RRAD: variants seen among roughly 807,000 people sequenced by gnomAD.
RRAD encodes the protein RRAD, Ras related glycolysis inhibitor and calcium channel regulator, also known as GTP-binding protein RAD.
In RRAD, 15 loss-of-function variants were observed where a neutral mutation model predicts 24.7. The observed-to-expected ratio is 0.61, with a 90% CI of 0.41 to 0.93. RRAD has a LOEUF of 0.93. Among genes scored for constraint, RRAD ranks in the 40% least tolerant of loss-of-function variants. The pLI is 0.00. For missense variants in RRAD, 438 were observed against 452.2 expected (o/e 0.97, Z 0.29); for synonymous variants, 180 against 189.8 (o/e 0.95, Z 0.43).
chr16:66,923,678 C>T lies in RRAD; in HGVS notation c.487G>A (p.Asp163Asn). The change falls in exon 4 of 5, where the codon GAT (aspartate) becomes AAT (asparagine). Residue 163 changes from aspartate (D) to asparagine (N), a missense_variant. Physicochemically the swap from Asp to Asn is conservative, Grantham distance 23 (BLOSUM62 1). Coordinates refer to ENST00000299759, the MANE Select transcript of RRAD (RefSeq NM_004165.3). This position sits in a 1 kb window ranked among gnomAD's most constrained non-coding sequence, Gnocchi z 4.9. ...WLPGHCMAMG[D>N]AYVIVYSVTD... Reference sequence around the variant, plus strand: ...ACTGAGTACACAATGACATAGGCATCCCCCATGGCCATGCAGTGGCCGGGC... The same window carrying T: ...ACTGAGTACACAATGACATAGGCATTCCCCATGGCCATGCAGTGGCCGGGC... The T allele has an allele frequency of 1.2e-6, 2 of 1,614,102 alleles. No individual in the cohort carries two copies. The highest frequency in any genetic ancestry group is 8.5e-7 in the Non-Finnish European group (1 of 1,180,026).
At chr16:66,922,813 G>C (rs995588909) in intron 4 of RRAD, among the ~76,000 whole-genome samples, 12 of 152,140 alleles carry the variant, frequency 7.9e-5, no homozygotes, top group African/African-American at 2.9e-4. Context: ...CTCCCGAGTA[G>C]CTGGGACTAC....
chr16:66,923,597 C>T lies in RRAD; in HGVS notation c.568G>A (p.Ala190Thr). Residue 190 changes from alanine to threonine, a missense_variant, in exon 4 of 5, where the codon GCA becomes ACA. Ala to Thr is a moderately conservative substitution (Grantham distance 58, BLOSUM62 0). Coordinates refer to ENST00000299759, the MANE Select transcript of RRAD (RefSeq NM_004165.3). The surrounding 1 kb of genome is among the most constrained non-coding windows in gnomAD (Gnocchi z 4.9). The stretch of plus-strand genomic sequence containing the variant: ...ATGGGCACATCATCTGTTTGCCGTG[C>T]ACGCCGCAGCTGGACCCGCAGTTCT... ...ASELRVQLRRARQTDDVPIIL... is the reference protein window; with the variant it reads ...ASELRVQLRRTRQTDDVPIIL... 1 of 1,613,630 alleles carries T rather than the reference C, an allele frequency of 6.2e-7. No homozygotes were observed. Among genetic ancestry groups the T allele is most frequent in the East Asian group, 2.2e-5 (1 of 44,866 alleles).
Position 66,924,051 on chromosome 16 carries a change from GTA to G in RRAD, c.371-134_371-133del. 1.3e-6 allele frequency: 1 copy of G among 757,936 alleles called. No individual in the cohort carries two copies. Among genetic ancestry groups the G allele is most frequent in the Non-Finnish European group, 2.4e-6 (1 of 424,250 alleles). 47.0% of individuals were successfully genotyped at this position (757,936 alleles called of 1,614,324 possible). ...CCCTCCACTCCACTTGCAGATGCTG[GTA>G]TGTGGCAACAGCAGTGCCAGGCAGG... On this transcript the variant is annotated intron_variant, in intron 2 of 4. Coordinates refer to ENST00000299759, the MANE Select transcript of RRAD (RefSeq NM_004165.3). The surrounding 1 kb of genome is among the most constrained non-coding windows in gnomAD (Gnocchi z 4.2).
intron 4 of RRAD, 102 bp from the exon 5 acceptor site, chr16:66,922,455 G>T: frequency 8.1e-7 from 1 of 1,240,910 alleles, no homozygotes; most frequent in South Asian, 1.5e-5. Context: ...TCGAGAATTT[G>T]CAAGGTCCTC....
Position 66,925,205 on chromosome 16 carries a change from A to C in RRAD, c.-15-11T>G, listed in dbSNP as rs558722306. On this transcript the variant is annotated splice_polypyrimidine_tract_variant and intron_variant, in intron 1 of 4. Coordinates refer to ENST00000299759, the MANE Select transcript of RRAD (RefSeq NM_004165.3). This position sits in a 1 kb window ranked among gnomAD's most constrained non-coding sequence, Gnocchi z 5.2. ...CGCGTCCGGGACCGTCTAGGGGATC[A>C]GGAACCCGAGTGGCCGTGTAAGCCG... 244 of 1,244,072 alleles carry C rather than the reference A, an allele frequency of 2.0e-4. 1 individual carries two copies. The Middle Eastern group carries it at 2.5e-3, about 13-fold the overall frequency. The allele number at this position is 1,244,072 out of a possible 1,614,324, so 77.1% of individuals were successfully genotyped here.
rs900375736 is a variant in RRAD, at chr16:66,921,818, C to A, written c.*258G>T. 13 of 432,948 alleles carry A rather than the reference C, an allele frequency of 3.0e-5. No individual in the cohort carries two copies. Among genetic ancestry groups the A allele is most frequent in the Admixed American group, 2.1e-4 (5 of 24,130 alleles). 26.8% of individuals were successfully genotyped at this position (432,948 alleles called of 1,614,324 possible). On this transcript the variant is annotated 3_prime_UTR_variant, in exon 5 of 5. Transcript: ENST00000299759. Reference sequence around the variant, plus strand: ...TCCTCTCCCGGCACGCAGGCCTGCCCGGCGGCTGCGCTGCGGCTGCTTGGG... The same window carrying A: ...TCCTCTCCCGGCACGCAGGCCTGCCAGGCGGCTGCGCTGCGGCTGCTTGGG...
At position 66,921,883 on chromosome 16, in the gene RRAD, C is replaced by G. The variant is rs1222939023; in HGVS notation, c.*193G>C. 10 of 582,602 alleles carry G rather than the reference C, an allele frequency of 1.7e-5. No individual in the cohort carries two copies. The highest frequency in any genetic ancestry group is 3.0e-5 in the Non-Finnish European group (10 of 330,944). The allele number at this position is 582,602 out of a possible 1,614,324, so 36.1% of individuals were successfully genotyped here. On this transcript the variant is annotated 3_prime_UTR_variant, in exon 5 of 5. Transcript: ENST00000299759. ...GCGCATGCATCTCTGTGGGCCCAGC[C>G]CTCACTGGCCCCTGAGAGCCACTTC...
Position 66,923,533 on chromosome 16 carries a change from C to G in RRAD, c.632G>C (p.Arg211Pro), listed in dbSNP as rs757766906. 1.2e-6 allele frequency: 2 copies of G among 1,608,548 alleles called. No homozygotes were observed. Among genetic ancestry groups the G allele is most frequent in the South Asian group, 1.1e-5 (1 of 91,058 alleles). Residue 211 changes from arginine to proline, a missense_variant, in exon 4 of 5, where the codon CGT (arginine) becomes CCT (proline). Physicochemically the swap from Arg to Pro is moderately radical, Grantham distance 103 (BLOSUM62 -2). Transcript: ENST00000299759. The surrounding 1 kb of genome is among the most constrained non-coding windows in gnomAD (Gnocchi z 4.9). ...CTACTCACCATCCACCGAGACCTCA[C>G]GAGAGCGCACCAGGTCGCTCTTGTT... ...VGNKSDLVRS[R>P]EVSVDEGRAC...
In RRAD at chr16:66,924,816, C is replaced by T. The variant is rs201762908; in HGVS notation, c.364G>A (p.Ala122Thr). 3.2e-6 allele frequency: 5 copies of T among 1,563,280 alleles called. No homozygotes were observed. Among genetic ancestry groups the T allele is most frequent in the African/African-American group, 1.4e-5 (1 of 73,882 alleles). Residue 122 changes from alanine (A) to threonine (T), a missense_variant, in exon 2 of 5, where the codon GCA becomes ACA. Coordinates refer to ENST00000299759, the MANE Select transcript of RRAD (RefSeq NM_004165.3). This position sits in a 1 kb window ranked among gnomAD's most constrained non-coding sequence, Gnocchi z 4.2. Reference protein sequence around the residue: ...GGVEDGPEAEAAGHTYDRSIV... With the variant: ...GGVEDGPEAETAGHTYDRSIV... ...AACAGCTGGGTCCCCTCACCTGCTG[C>T]CTCTGCTTCAGGCCCGTCCTCCACA...
intron 4 of RRAD, among the ~76,000 whole-genome samples, chr16:66,922,645 G>A (rs1438411683): frequency 1.3e-5 from 2 of 152,098 alleles, no homozygotes; most frequent in African/African-American, 4.8e-5. Context: ...GTAAACACAG[G>A]AAAATGAGAA....
Position 66,924,910 on chromosome 16 carries a change from G to C in RRAD, c.270C>G (p.Ser90Arg). ...LSSGGSDSDE[S>R]VYKVLLLGAP... ...CCCCCAGCAGCAGCACCTTGTAAAC[G>C]CTCTCGTCTGAGTCGCTGCCCCCTG... is the stretch of plus-strand genomic sequence containing the variant. The change falls in exon 2 of 5, where the codon AGC becomes AGG. Residue 90 changes from serine (S) to arginine (R), a missense_variant. Ser to Arg is a moderately radical substitution (Grantham distance 110). Coordinates refer to ENST00000299759, the MANE Select transcript of RRAD (RefSeq NM_004165.3). This position sits in a 1 kb window ranked among gnomAD's most constrained non-coding sequence, Gnocchi z 4.2. The C allele has an allele frequency of 6.3e-7, 1 of 1,579,706 alleles. No homozygotes were observed. Among genetic ancestry groups the C allele is most frequent in the Non-Finnish European group, 8.6e-7 (1 of 1,168,106 alleles).
At position 66,923,551 on chromosome 16, in the gene RRAD, C is replaced by G. The variant is rs1359475638; in HGVS notation, c.614G>C (p.Ser205Thr). 6 of 1,611,608 alleles carry G rather than the reference C, an allele frequency of 3.7e-6. No homozygotes were observed. Residue 205 changes from serine (S) to threonine (T), a missense_variant, in exon 4 of 5, where the codon AGC becomes ACC. Physicochemically the swap from Ser to Thr is moderately conservative, Grantham distance 58. Coordinates refer to ENST00000299759, the MANE Select transcript of RRAD (RefSeq NM_004165.3). The surrounding 1 kb of genome is among the most constrained non-coding windows in gnomAD (Gnocchi z 4.9). ...GACCTCACGAGAGCGCACCAGGTCG[C>G]TCTTGTTGCCCACGAGGATGATGGG... is the stretch of plus-strand genomic sequence containing the variant. Reference protein sequence around the residue: ...DVPIILVGNKSDLVRSREVSV... With the variant: ...DVPIILVGNKTDLVRSREVSV...
Position 66,923,598 on chromosome 16 carries a change from A to G in RRAD, c.567T>C (p.Arg189=), listed in dbSNP as rs1567541231. Residue 189 remains arginine (R), a synonymous_variant, in exon 4 of 5, where the codon CGT becomes CGC. Transcript: ENST00000299759. The surrounding 1 kb of genome is among the most constrained non-coding windows in gnomAD (Gnocchi z 4.9). ...TGGGCACATCATCTGTTTGCCGTGC[A>G]CGCCGCAGCTGGACCCGCAGTTCTG... ...KASELRVQLR[R]ARQTDDVPII... 6.2e-7 allele frequency: 1 copy of G among 1,613,528 alleles called. No individual in the cohort carries two copies.
chr16:66,922,114 C>A lies in RRAD; in HGVS notation c.889G>T (p.Ala297Ser), dbSNP rs763357877. 4 of 1,611,774 alleles carry A rather than the reference C, an allele frequency of 2.5e-6. No individual in the cohort carries two copies. The highest frequency in any genetic ancestry group is 2.5e-6 in the Non-Finnish European group (3 of 1,177,972). The change falls in exon 5 of 5, where the codon GCC (alanine) becomes TCC (serine). Residue 297 changes from alanine to serine, a missense_variant. Ala to Ser is a moderately conservative substitution (Grantham distance 99). Coordinates refer to ENST00000299759, the MANE Select transcript of RRAD (RefSeq NM_004165.3). ...ARNSRKMAFR[A>S]KSKSCHDLSV... ...AGGTCGTGGCAGGACTTGGATTTGGCGCGAAAGGCCATCTTGCGGCTGTTA... is the reference window on the plus strand; with the variant it reads ...AGGTCGTGGCAGGACTTGGATTTGGAGCGAAAGGCCATCTTGCGGCTGTTA...
chr16:66,922,768 C>T (rs1380548543), intron 4 of RRAD, among the ~76,000 whole-genome samples: 3 of 152,114 alleles, frequency 2.0e-5, no homozygotes, highest in African/African-American at 7.2e-5. Context: ...CTGAAAGCTC[C>T]GCCTCCCGGG....
chr16:66,922,134 C>T lies in RRAD; in HGVS notation c.869G>A (p.Ser290Asn), dbSNP rs575519330. Reference protein sequence around the residue: ...RFLGRIVARNSRKMAFRAKSK... With the variant: ...RFLGRIVARNNRKMAFRAKSK... ...TTTGGCGCGAAAGGCCATCTTGCGGCTGTTACGAGCTACGATGCGGCCCAA... is the reference window on the plus strand; with the variant it reads ...TTTGGCGCGAAAGGCCATCTTGCGGTTGTTACGAGCTACGATGCGGCCCAA... The change falls in exon 5 of 5, where the codon AGC (serine) becomes AAC (asparagine). Residue 290 changes from serine (S) to asparagine (N), a missense_variant. By Grantham distance (46) the Ser-to-Asn change is conservative (BLOSUM62 1). Coordinates refer to ENST00000299759, the MANE Select transcript of RRAD (RefSeq NM_004165.3). 35 of 1,613,248 alleles carry T rather than the reference C, an allele frequency of 2.2e-5. No individual in the cohort carries two copies. The East Asian group carries it at 7.6e-4, about 35-fold the overall frequency.
At position 66,924,940 on chromosome 16, in the gene RRAD, G is replaced by C; in HGVS notation, c.240C>G (p.Leu80=). The C allele has an allele frequency of 6.4e-7, 1 of 1,559,014 alleles. No homozygotes were observed. ...CGTCTGAGTCGCTGCCCCCTGAGCT[G>C]AGCGAGTCCTCGGAGTCCTCGGGCC... ...LDWPEDSEDS[L]SSGGSDSDES... Residue 80 remains leucine, a synonymous_variant, in exon 2 of 5, where the codon CTC becomes CTG. Transcript: ENST00000299759. The surrounding 1 kb of genome is among the most constrained non-coding windows in gnomAD (Gnocchi z 4.2).
rs1339552356 is a variant in RRAD, at chr16:66,925,303, G to A, written c.-16+106C>T. On this transcript the variant is annotated intron_variant, in intron 1 of 4. Transcript: ENST00000299759. The surrounding 1 kb of genome is among the most constrained non-coding windows in gnomAD (Gnocchi z 5.2). ...GGGATGCTCCGGCCGAGGTCCCGCC[G>A]CAGCCCTCCCCCAGCCCCCAGGTCG... The A allele has an allele frequency of 8.0e-6, 8 of 1,000,330 alleles. No homozygotes were observed. The highest frequency in any genetic ancestry group is 1.0e-5 in the Non-Finnish European group (8 of 787,432). The allele number at this position is 1,000,330 out of a possible 1,614,324, so 62.0% of individuals were successfully genotyped here.
At position 66,923,922 on chromosome 16, in the gene RRAD, AG is replaced by A. The variant is rs1962954391; in HGVS notation, c.371-4del. 1 of 1,613,698 alleles carries A rather than the reference AG, an allele frequency of 6.2e-7. No homozygotes were observed. The highest frequency in any genetic ancestry group is 1.1e-5 in the South Asian group (1 of 91,080). On this transcript the variant is annotated splice_polypyrimidine_tract_variant and splice_region_variant and intron_variant, in intron 2 of 4. Transcript: ENST00000299759. This position sits in a 1 kb window ranked among gnomAD's most constrained non-coding sequence, Gnocchi z 4.9. ...AATGGAGCGATCATAGGTGTGCCCT[AG>A]GCAGAAGGCCAGTAGACAGGTTACC...
Sources: allele counts gnomAD v4.1 joint callset (sites outside exome capture counted in the v4.1 genomes callset), GRCh38; gene constraint gnomAD v4.1.1; non-coding constraint Gnocchi (gnomAD v3.1); transcripts MANE v1.5; gene names NCBI Gene and HGNC (gene_info 2026-07-23, HGNC 2026-07-21).